Variants in KRABD5 observed in about 807,000 individuals in gnomAD.
KRABD5 encodes the protein KRAB domain containing 5.
At chr16:31,732,534 AT>A in the KRABD5 span, among the ~76,000 whole-genome samples, 1 of 152,122 alleles carries the variant, frequency 6.6e-6, no homozygotes, top group Admixed American at 6.5e-5. Context: ...AGATTTATAT[AT>A]TTTTTTAGCC....
At chr16:31,746,099 A>C in the KRABD5 span, among the ~76,000 whole-genome samples, 3 of 152,036 alleles carry the variant, frequency 2.0e-5, no homozygotes, top group African/African-American at 7.2e-5. Context: ...TTTAATTGAG[A>C]CATTTAGCCC....
chr16:31,724,281 C>T, the KRABD5 span, among the ~76,000 whole-genome samples: 1 of 151,602 alleles, frequency 6.6e-6, no homozygotes, highest in African/African-American at 2.4e-5. Flanking sequence ...GAGGTGCATC[C>T]TGATCGTTTG....
chr16:31,729,805 A>T, the KRABD5 span, among the ~76,000 whole-genome samples: 1 of 150,682 alleles, frequency 6.6e-6, no homozygotes, highest in Non-Finnish European at 1.5e-5. Context: ...TGTATCTACT[A>T]CAGTTTTTTT....
chr16:31,755,772 C>T, the KRABD5 span: 1 of 352,018 alleles, frequency 2.8e-6, no homozygotes, highest in Non-Finnish European at 5.5e-6. Context: ...TAAAAATCAC[C>T]ATAGAGTTTA....
chr16:31,715,801 TA>T, the KRABD5 span, among the ~76,000 whole-genome samples: 1 of 152,098 alleles, frequency 6.6e-6, no homozygotes, highest in Non-Finnish European at 1.5e-5. Context: ...CACAGTGTCA[TA>T]AAAAAGATAG....
the KRABD5 span, among the ~76,000 whole-genome samples, chr16:31,736,261 C>T: frequency 0.8 from 121,959 of 152,024 alleles, 49,539 homozygotes; most frequent in African/African-American, 0.92. Context: ...TATGTGTTTG[C>T]TTTAATGCCA....
chr16:31,731,997 G>T, the KRABD5 span, among the ~76,000 whole-genome samples: 1 of 152,166 alleles, frequency 6.6e-6, no homozygotes, highest in Non-Finnish European at 1.5e-5. Flanking sequence ...GGATCTTCAG[G>T]CCTGTCACCT....
the KRABD5 span, among the ~76,000 whole-genome samples, chr16:31,725,746 T>C: frequency 2.6e-5 from 4 of 152,346 alleles, no homozygotes; most frequent in South Asian, 4.1e-4. Context: ...CAGCACCTTT[T>C]CTTAAACCTG....
At chr16:31,727,620 T>A in the KRABD5 span, among the ~76,000 whole-genome samples, 1 of 152,234 alleles carries the variant, frequency 6.6e-6, no homozygotes, top group African/African-American at 2.4e-5. Context: ...CACCCATGAA[T>A]TCATTTGGTC....
the KRABD5 span, chr16:31,759,615 G>C: frequency 2.1e-6 from 1 of 479,468 alleles, no homozygotes; most frequent in South Asian, 2.3e-5. Flanking sequence ...AAGCAGAAGT[G>C]GTACATGATT....
chr16:31,717,466 A>C, the KRABD5 span, among the ~76,000 whole-genome samples: 7 of 152,182 alleles, frequency 4.6e-5, no homozygotes, highest in African/African-American at 1.7e-4. Context: ...TGAAGACATG[A>C]AGTTTATTTT....
At chr16:31,758,600 C>T in the KRABD5 span, 1 of 151,226 alleles carries the variant, frequency 6.6e-6, no homozygotes, top group Admixed American at 6.6e-5. Context: ...ATGGTGAAAC[C>T]CCGTCTCTAT....
the KRABD5 span, among the ~76,000 whole-genome samples, chr16:31,724,584 C>G: frequency 5.9e-5 from 9 of 151,686 alleles, no homozygotes; most frequent in East Asian, 1.4e-3. Context: ...CCCAGCTACT[C>G]TGGAGTCTGA....
At chr16:31,735,018 G>A in the KRABD5 span, among the ~76,000 whole-genome samples, 4 of 151,940 alleles carry the variant, frequency 2.6e-5, no homozygotes, top group Non-Finnish European at 4.4e-5. Context: ...CAAAGTGCTG[G>A]GATTAGAGGT....
chr16:31,720,105 CAG>C, the KRABD5 span, among the ~76,000 whole-genome samples: 4 of 152,332 alleles, frequency 2.6e-5, no homozygotes, highest in Non-Finnish European at 5.9e-5. Flanking sequence ...GTTGCCAGCA[CAG>C]TGCATACTGT....
chr16:31,755,743 T>C, the KRABD5 span: 76 of 359,928 alleles, frequency 2.1e-4, no homozygotes, highest in African/African-American at 1.5e-3. Context: ...GAAAAGAGTT[T>C]TATCCAAAAT....
At chr16:31,740,440 T>A in the KRABD5 span, among the ~76,000 whole-genome samples, 3 of 152,278 alleles carry the variant, frequency 2.0e-5, no homozygotes, top group East Asian at 3.9e-4. Context: ...GTTCATAACC[T>A]CATTTTCTTC....
the KRABD5 span, chr16:31,714,333 T>C: frequency 2.2e-6 from 1 of 456,064 alleles, no homozygotes; most frequent in South Asian, 1.5e-5. Flanking sequence ...AAAACTGTTT[T>C]GAGTGATTTT....
At chr16:31,751,012 G>A in the KRABD5 span, among the ~76,000 whole-genome samples, 3 of 152,122 alleles carry the variant, frequency 2.0e-5, no homozygotes, top group Non-Finnish European at 2.9e-5. Flanking sequence ...CACCGGCCTC[G>A]GCCTTCCAGA....
Sources: allele counts gnomAD v4.1 joint callset (sites outside exome capture counted in the v4.1 genomes callset), GRCh38; gene constraint gnomAD v4.1.1; transcripts MANE v1.5; gene names NCBI Gene and HGNC (gene_info 2026-07-23, HGNC 2026-07-21).